SLC39A6: variants seen among roughly 807,000 people sequenced by gnomAD.
The protein encoded by SLC39A6 is solute carrier family 39 member 6.
A neutral mutation model predicts 63.5 loss-of-function variants in SLC39A6; 51 were observed. The observed-to-expected ratio is 0.80, with a 90% CI of 0.64 to 1.01. The LOEUF (loss-of-function observed/expected upper bound fraction) is 1.01. Ranked by LOEUF, SLC39A6 falls within the 50% of genes least tolerant of loss-of-function variation. The probability of loss-of-function intolerance (pLI) is 0.00; values close to 1 mark genes in which losing one functional copy is unlikely to be tolerated. For synonymous variants in SLC39A6, 318 were observed against 324.7 expected, an observed-to-expected ratio of 0.98 and a Z score of 0.22; for missense variants, 805 against 927.8, an observed-to-expected ratio of 0.87 and a Z score of 1.72.
Position 36,114,185 on chromosome 18 carries a change from C to T in SLC39A6, c.1755G>A (p.Glu585=). The T allele has an allele frequency of 6.2e-7, 1 of 1,614,198 alleles. No individual in the cohort carries two copies. The highest frequency in any genetic ancestry group is 8.5e-7 in the Non-Finnish European group (1 of 1,180,032). Residue 585 remains glutamate (E), a synonymous_variant, in exon 7 of 10, where the codon GAG becomes GAA. Transcript: ENST00000269187. ...PHSHSQRYSR[E]ELKDAGVATL... ...TGGCGACGCCGGCATCTTTCAGCTC[C>T]TCCCGAGAGTAGCGCTGGCTGTGAC...
rs55986208 is a variant in SLC39A6 at position 36,127,764 on chromosome 18, A to ATT, written c.-9-750_-9-749dup. ...GCATACTCAAATACATGTATACTTAATTTTTTTTTTAAAGTTTTTTTTTTT... is the reference window on the plus strand; with the variant it reads ...GCATACTCAAATACATGTATACTTAATTTTTTTTTTTTAAAGTTTTTTTTTTT... On this transcript the variant is annotated intron_variant, in intron 1 of 9. Coordinates refer to ENST00000269187, the MANE Select transcript of SLC39A6 (RefSeq NM_012319.4). 4.6e-3 allele frequency among the ~76,000 whole-genome samples: 649 copies of ATT among 142,522 alleles called. 5 individuals carry two copies. The highest frequency in any genetic ancestry group is 0.016 in the African/African-American group (611 of 38,464). The allele number at this position is 142,522 out of a possible 152,430, so 93.5% of individuals were successfully genotyped here. A position where few individuals can be genotyped will look rare whatever the true frequency, so the allele number is the denominator to read the frequency against.
Position 36,126,390 on chromosome 18 carries a change from C to T in SLC39A6, c.618G>A (p.Glu206=). The change falls in exon 2 of 10, where the codon GAG becomes GAA. Residue 206 remains glutamate, a synonymous_variant. Transcript: ENST00000269187. ...SEGTHFLETI[E]TPRPGKLFPK... Reference sequence around the variant, plus strand: ...GGAAGAGTTTTCCAGGTCTTGGAGTCTCTATTGTCTCTAGAAAGTGAGTTC... The same window carrying T: ...GGAAGAGTTTTCCAGGTCTTGGAGTTTCTATTGTCTCTAGAAAGTGAGTTC... 3 of 1,614,202 alleles carry T rather than the reference C, an allele frequency of 1.9e-6. No individual in the cohort carries two copies. Among genetic ancestry groups the T allele is most frequent in the Non-Finnish European group, 1.7e-6 (2 of 1,180,048 alleles).
chr18:36,113,190 G>A (rs1205909653), intron 7 of SLC39A6, among the ~76,000 whole-genome samples: 1 of 151,944 alleles, frequency 6.6e-6, no homozygotes, highest in African/African-American at 2.4e-5. Context: ...AAACTCCCGG[G>A]CTCAAGCGTT....
At chr18:36,120,591 T>C (rs1397966332) in intron 5 of SLC39A6, among the ~76,000 whole-genome samples, 1 of 152,260 alleles carries the variant, frequency 6.6e-6, no homozygotes, top group African/African-American at 2.4e-5. Flanking sequence ...ACGCCAGTTA[T>C]ACTTATTACT....
chr18:36,112,650 A>C, intron 7 of SLC39A6, 69 bp from the exon 8 acceptor site: 1 of 1,136,774 alleles, frequency 8.8e-7, no homozygotes, highest in Non-Finnish European at 1.3e-6. Flanking sequence ...TCAGTATGCA[A>C]AATGAGGTAA....
intron 5 of SLC39A6, among the ~76,000 whole-genome samples, chr18:36,119,964 GAATGTTAAA>G (rs1467260712): frequency 2.6e-5 from 4 of 152,018 alleles, no homozygotes; most frequent in African/African-American, 4.8e-5. Context: ...ATTGAAATGA[GAATGTTAAA>G]TAAATTATGA....
intron 5 of SLC39A6, among the ~76,000 whole-genome samples, chr18:36,119,656 A>T (rs1316500008): frequency 6.6e-6 from 1 of 152,142 alleles, no homozygotes. Context: ...AGAAAAAATT[A>T]TTCTGTGTCA....
rs2089326490 is a variant in SLC39A6 at position 36,114,377 on chromosome 18, A to T, written c.1563T>A (p.His521Gln). 12 of 1,614,096 alleles carry T rather than the reference A, an allele frequency of 7.4e-6. No individual in the cohort carries two copies. The highest frequency in any genetic ancestry group is 3.3e-5 in the Admixed American group (2 of 60,012). The change falls in exon 7 of 10, where the codon CAT becomes CAA. Residue 521 changes from histidine to glutamine, a missense_variant. His to Gln is a conservative substitution (Grantham distance 24). This residue lies in a region of SLC39A6 where 639 missense variants were observed against 644.0 expected (regional missense o/e 0.99). Transcript: ENST00000269187. Reference sequence around the variant, plus strand: ...CATTGTAGACTTCCTGTGGATGAGCATGAGCTATCATGACCTCTTCTTCTT... The same window carrying T: ...CATTGTAGACTTCCTGTGGATGAGCTTGAGCTATCATGACCTCTTCTTCTT... Reference protein sequence around the residue: ...VLEEEEVMIAHAHPQEVYNEY... With the variant: ...VLEEEEVMIAQAHPQEVYNEY...
At position 36,109,778 on chromosome 18, in the gene SLC39A6, C is replaced by T. The variant is rs766791566; in HGVS notation, c.2116-33G>A. On this transcript the variant is annotated intron_variant, in intron 9 of 9. Coordinates refer to ENST00000269187, the MANE Select transcript of SLC39A6 (RefSeq NM_012319.4). ...AAAAAGTAAGGGAAAATAAGAGTGA[C>T]ATTTAAGTTTTTAGAACTACAGATT... is the stretch of plus-strand genomic sequence containing the variant. 5.1e-6 allele frequency: 8 copies of T among 1,574,166 alleles called. No homozygotes were observed. In the African/African-American group the frequency reaches 1.1e-4, roughly 22 times the overall value.
Position 36,123,659 on chromosome 18 carries a change from C to A in SLC39A6, c.976G>T (p.Val326Phe). The change falls in exon 4 of 10, where the codon GTT becomes TTT. Residue 326 changes from valine (V) to phenylalanine (F), a missense_variant. This residue lies in a region of SLC39A6 where 639 missense variants were observed against 644.0 expected (regional missense o/e 0.99). Transcript: ENST00000269187. ...ATGGAAATGGCTATAAAACCACCAA[C>A]CCAGGCTGTCAAACAAAACAAAACA... ...PKTYSLQIAW[V>F]GGFIAISIIS... 6.3e-7 allele frequency: 1 copy of A among 1,598,524 alleles called. No homozygotes were observed. The highest frequency in any genetic ancestry group is 8.5e-7 in the Non-Finnish European group (1 of 1,175,968).
At position 36,114,472 on chromosome 18, in the gene SLC39A6, T is replaced by C; in HGVS notation, c.1468A>G (p.Thr490Ala). ...GAGTCTGCTCGTAAATAGCCTTCAGTTCCTAGGAATAAACATAAAGGGCAT... is the reference window on the plus strand; with the variant it reads ...GAGTCTGCTCGTAAATAGCCTTCAGCTCCTAGGAATAAACATAAAGGGCAT... Reference protein sequence around the residue: ...NEEKVDTDDRTEGYLRADSQE... With the variant: ...NEEKVDTDDRAEGYLRADSQE... Residue 490 changes from threonine (T) to alanine (A), a missense_variant and splice_region_variant, in exon 7 of 10, where the codon ACT becomes GCT. Physicochemically the swap from Thr to Ala is moderately conservative, Grantham distance 58. Transcript: ENST00000269187. The C allele has an allele frequency of 1.2e-6, 2 of 1,606,498 alleles. No individual in the cohort carries two copies. The highest frequency in any genetic ancestry group is 1.7e-6 in the Non-Finnish European group (2 of 1,177,550).
Position 36,109,468 on chromosome 18 carries a change from T to A in SLC39A6, c.*125A>T. 5.9e-6 allele frequency: 4 copies of A among 674,666 alleles called. No homozygotes were observed. In the South Asian group the frequency reaches 9.8e-5, roughly 16 times the overall value. 41.8% of individuals were successfully genotyped at this position (674,666 alleles called of 1,614,324 possible). Reference sequence around the variant, plus strand: ...ACTGACTTTGTAACAGACAGCAATATTCAATACAAAAATCACAAAACCCAC... The same window carrying A: ...ACTGACTTTGTAACAGACAGCAATAATCAATACAAAAATCACAAAACCCAC... On this transcript the variant is annotated 3_prime_UTR_variant, in exon 10 of 10. Transcript: ENST00000269187.
At chr18:36,111,660 C>T (rs978224527) in intron 8 of SLC39A6, among the ~76,000 whole-genome samples, 2 of 151,914 alleles carry the variant, frequency 1.3e-5, no homozygotes, top group Non-Finnish European at 2.9e-5. Context: ...AATTTTTTTA[C>T]TTTTAGTAGA....
chr18:36,109,672 G>A lies in SLC39A6; in HGVS notation c.2189C>T (p.Ala730Val). The change falls in exon 10 of 10, where the codon GCT (alanine) becomes GTT (valine). Residue 730 changes from alanine to valine, a missense_variant. Around this residue, in one of 4 missense-constraint regions of SLC39A6, gnomAD observed 145 missense variants for 227.2 expected, o/e 0.64. Coordinates refer to ENST00000269187, the MANE Select transcript of SLC39A6 (RefSeq NM_012319.4). ...AATTCCAAAACCCAAAAGCATCCCA[G>A]CATTCTGTAAAAAGAAATACCCCCA... ...SRWGYFFLQNAGMLLGFGIML... is the reference protein window; with the variant it reads ...SRWGYFFLQNVGMLLGFGIML... 1.9e-6 allele frequency: 3 copies of A among 1,611,594 alleles called. No individual in the cohort carries two copies. The highest frequency in any genetic ancestry group is 2.5e-6 in the Non-Finnish European group (3 of 1,178,092).
In SLC39A6 at chr18:36,120,956, C is replaced by T. The variant is rs1406304946; in HGVS notation, c.1359+1096G>A. Among the ~76,000 whole-genome samples, 10 of 152,092 alleles carry T rather than the reference C, an allele frequency of 6.6e-5. No individual in the cohort carries two copies. In the East Asian group the frequency reaches 1.9e-3, roughly 29 times the overall value. On this transcript the variant is annotated intron_variant, in intron 5 of 9. Transcript: ENST00000269187. ...TTCAGAATAGCTTTAAGTGTGTAAT[C>T]TCTTGTTCAATTTTAGAGAAACCAA...
chr18:36,120,127 C>A (rs1367658192), intron 5 of SLC39A6, among the ~76,000 whole-genome samples: 1 of 152,020 alleles, frequency 6.6e-6, no homozygotes, highest in Non-Finnish European at 1.5e-5. Flanking sequence ...CCATATATGG[C>A]AGATAACCTA....
chr18:36,122,102 C>T lies in SLC39A6; in HGVS notation c.1309G>A (p.Val437Ile). 13 of 1,613,890 alleles carry T rather than the reference C, an allele frequency of 8.1e-6. No homozygotes were observed. Among genetic ancestry groups the T allele is most frequent in the East Asian group, 2.2e-5 (1 of 44,868 alleles). The change falls in exon 5 of 10, where the codon GTT (valine) becomes ATT (isoleucine). Residue 437 changes from valine to isoleucine, a missense_variant. By Grantham distance (29) the Val-to-Ile change is conservative. Transcript: ENST00000269187. ...ALGGLYFMFL[V>I]EHVLTLIKQF... ...TTGATCAATGTGAGGACATGTTCAA[C>T]AAGAAACATGAAATACAGGCCTCCT...
At chr18:36,114,055 T>A in intron 7 of SLC39A6, 42 bp downstream of exon 7, 1 of 1,526,582 alleles carries the variant, frequency 6.6e-7, no homozygotes, top group African/African-American at 1.4e-5. Context: ...AATGTGACAT[T>A]TTCAGAATCA....
chr18:36,109,698 G>A lies in SLC39A6; in HGVS notation c.2163C>T (p.Arg721=). The change falls in exon 10 of 10, where the codon CGC becomes CGT. Residue 721 remains arginine (R), a synonymous_variant. Transcript: ENST00000269187. ...CATTCTGTAAAAAGAAATACCCCCA[G>A]CGGCTACATCCATGGTCACTAGCAT... ...HNDASDHGCS[R]WGYFFLQNAG... is the part of the protein sequence containing the mutation. The A allele has an allele frequency of 6.2e-7, 1 of 1,612,758 alleles. No individual in the cohort carries two copies. The highest frequency in any genetic ancestry group is 8.5e-7 in the Non-Finnish European group (1 of 1,179,060).
Sources: allele counts gnomAD v4.1 joint callset (sites outside exome capture counted in the v4.1 genomes callset), GRCh38; gene constraint gnomAD v4.1.1; regional missense constraint gnomAD v4.1.1; transcripts MANE v1.5; gene names NCBI Gene and HGNC (gene_info 2026-07-23, HGNC 2026-07-21).